GATAD1: variants seen among roughly 807,000 people sequenced by gnomAD.
The protein encoded by GATAD1 is GATA zinc finger domain containing 1, also known as GATA zinc finger domain-containing protein 1.
GATAD1 carries 12 observed loss-of-function variants against 26.5 expected under a neutral mutation model. That is an observed-to-expected ratio of 0.45 (90% CI 0.29 to 0.73). The LOEUF is 0.73. Among genes scored for constraint, GATAD1 ranks in the 30% least tolerant of loss-of-function variants. GATAD1 has a pLI of 0.10. For synonymous variants in GATAD1, 129 were observed against 133.1 expected (o/e 0.97, Z 0.21); for missense variants, 266 against 342.1 (o/e 0.78, Z 1.75).
chr7:92,451,266 T>G (rs987188253), intron 3 of GATAD1, among the ~76,000 whole-genome samples: 15 of 152,168 alleles, frequency 9.9e-5, no homozygotes, highest in Non-Finnish European at 2.1e-4. Context: ...TTCCAAGATG[T>G]TTTGATAAAA....
chr7:92,448,711 ACTT>A lies in GATAD1; in HGVS notation c.250-37_250-35del, dbSNP rs772478785. 18 of 1,556,220 alleles carry A rather than the reference ACTT, an allele frequency of 1.2e-5. No homozygotes were observed. In the African/African-American group the frequency reaches 1.6e-4, roughly 14 times the overall value. On this transcript the variant is annotated intron_variant, in intron 1 of 4. Coordinates refer to ENST00000287957, the MANE Select transcript of GATAD1 (RefSeq NM_021167.5). Reference sequence around the variant, plus strand: ...GTACTGCAACCTTTATGCACTTTTTACTTCTTTCTCTTTTTGTTCTTTAATTTG... The same window carrying A: ...GTACTGCAACCTTTATGCACTTTTTACTTTCTCTTTTTGTTCTTTAATTTG...
the GATAD1 span, among the ~76,000 whole-genome samples, chr7:92,483,415 G>A: frequency 6.6e-6 from 1 of 152,222 alleles, no homozygotes; most frequent in Non-Finnish European, 1.5e-5. Flanking sequence ...CTCTATTCTT[G>A]TACACCTTGA....
rs1366066828 is a variant in GATAD1, at chr7:92,456,852, T to C, written c.*290T>C. On this transcript the variant is annotated 3_prime_UTR_variant, in exon 5 of 5. Transcript: ENST00000287957. ...TGGTCACTTAGAAAATTAAAAGGGA[T>C]AGGGCCAGGCACAGTGGCTTATGCC... 1 of 282,772 alleles carries C rather than the reference T, an allele frequency of 3.5e-6. No homozygotes were observed. The highest frequency in any genetic ancestry group is 2.2e-5 in the African/African-American group (1 of 45,646). The allele number at this position is 282,772 out of a possible 1,614,324, so 17.5% of individuals were successfully genotyped here.
chr7:92,482,618 C>T, the GATAD1 span, among the ~76,000 whole-genome samples: 1 of 151,520 alleles, frequency 6.6e-6, no homozygotes, highest in African/African-American at 2.4e-5. Context: ...GTAGAGGTGT[C>T]CCATACTTGT....
At chr7:92,449,426 G>T (rs1789322249) in intron 2 of GATAD1, 2 of 982,224 alleles carry the variant, frequency 2.0e-6, no homozygotes, top group African/African-American at 3.5e-5. Context: ...TGAAAGACCT[G>T]TGCTGGAAGT....
At chr7:92,473,157 G>C in the GATAD1 span, 1 of 152,188 alleles carries the variant, frequency 6.6e-6, no homozygotes, top group South Asian at 2.1e-4. Context: ...GTCCAGGACT[G>C]TAAACCACTC....
the GATAD1 span, among the ~76,000 whole-genome samples, chr7:92,480,756 C>T: frequency 2.0e-5 from 3 of 152,168 alleles, no homozygotes; most frequent in African/African-American, 7.2e-5. Flanking sequence ...TCTTTAGCTA[C>T]CTTATCAGCA....
At chr7:92,491,011 C>A in the GATAD1 span, among the ~76,000 whole-genome samples, 2 of 152,204 alleles carry the variant, frequency 1.3e-5, no homozygotes, top group East Asian at 1.9e-4. Flanking sequence ...TTTAAAGCCA[C>A]TAGGTAAGAG....
At chr7:92,474,224 A>G in the GATAD1 span, among the ~76,000 whole-genome samples, 214 of 152,156 alleles carry the variant, frequency 1.4e-3, 2 homozygotes, top group African/African-American at 4.6e-3. Context: ...GCCAAGTTCA[A>G]TAGGGTTTCT....
At chr7:92,450,891 T>A (rs921611308) in intron 3 of GATAD1, 131 bp downstream of exon 3, 2 of 581,008 alleles carry the variant, frequency 3.4e-6, no homozygotes, top group Non-Finnish European at 6.2e-6. Flanking sequence ...TTTGTTCCCT[T>A]CTTAGCTGTT....
chr7:92,455,248 C>A (rs1029311454), intron 4 of GATAD1, among the ~76,000 whole-genome samples: 12 of 152,120 alleles, frequency 7.9e-5, no homozygotes, highest in Non-Finnish European at 1.6e-4. Flanking sequence ...TGAGTTAGAG[C>A]AATGTGCATC....
In GATAD1 at chr7:92,457,953, A is replaced by G. The variant is rs941969794; in HGVS notation, c.*1391A>G. The G allele has an allele frequency of 6.6e-6, 1 of 152,178 alleles. No homozygotes were observed. Among genetic ancestry groups the G allele is most frequent in the African/African-American group, 2.4e-5 (1 of 41,432 alleles). The allele number at this position is 152,178 out of a possible 1,614,324, so 9.4% of individuals were successfully genotyped here. A position where few individuals can be genotyped will look rare whatever the true frequency, so the allele number is the denominator to read the frequency against. The stretch of plus-strand genomic sequence containing the variant: ...GGAGTTCAGGACCAGCCTGGCCAAC[A>G]TGATGAAACCCTGTCTCTACTAAAT... On this transcript the variant is annotated 3_prime_UTR_variant, in exon 5 of 5. Transcript: ENST00000287957.
At position 92,459,234 on chromosome 7, in the gene GATAD1, A is replaced by G. The variant is rs1789824070; in HGVS notation, c.*2672A>G. 6.6e-6 allele frequency: 1 copy of G among 152,162 alleles called. No homozygotes were observed. The highest frequency in any genetic ancestry group is 2.4e-5 in the African/African-American group (1 of 41,422). 9.4% of individuals were successfully genotyped at this position (152,162 alleles called of 1,614,324 possible). The stretch of plus-strand genomic sequence containing the variant: ...GCATGACTCCATCTCCAAAAAAAAA[A>G]AAAAAAGATTTTGGAGTAGATTCAT... On this transcript the variant is annotated 3_prime_UTR_variant, in exon 5 of 5. Transcript: ENST00000287957.
chr7:92,464,473 C>G (rs1175734979), downstream of GATAD1, among the ~76,000 whole-genome samples: 3 of 152,174 alleles, frequency 2.0e-5, no homozygotes, highest in African/African-American at 4.8e-5. Flanking sequence ...TGTGGGCCAG[C>G]CTCAGTGCTC....
the GATAD1 span, among the ~76,000 whole-genome samples, chr7:92,480,047 G>T: frequency 1.4e-4 from 22 of 152,238 alleles, no homozygotes; most frequent in Admixed American, 1.4e-3. Context: ...GTTTGGTGGG[G>T]TGTGTTTTTA....
the GATAD1 span, chr7:92,474,594 C>T: frequency 6.6e-6 from 1 of 152,312 alleles, no homozygotes; most frequent in South Asian, 2.1e-4. Flanking sequence ...ATTCTCTTTC[C>T]TCTGTTGTCA....
chr7:92,491,876 T>G, the GATAD1 span, among the ~76,000 whole-genome samples: 1 of 152,110 alleles, frequency 6.6e-6, no homozygotes, highest in Admixed American at 6.5e-5. Flanking sequence ...AATACACACC[T>G]TTCTGGTAGT....
the GATAD1 span, chr7:92,489,902 A>G: frequency 6.2e-7 from 1 of 1,613,230 alleles, no homozygotes; most frequent in Non-Finnish European, 8.5e-7. Context: ...GCAGAGAGAC[A>G]TTGTGAGCTC....
In GATAD1 at chr7:92,447,550, A is replaced by C. The variant is rs1385665835; in HGVS notation, c.-180A>C. On this transcript the variant is annotated 5_prime_UTR_variant, in exon 1 of 5. Coordinates refer to ENST00000287957, the MANE Select transcript of GATAD1 (RefSeq NM_021167.5). ...GGCCTCCGCCTGCGGAGCCGGCGGAACCCGCTTCCCGCCTCCACGGGGCAG... is the reference window on the plus strand; with the variant it reads ...GGCCTCCGCCTGCGGAGCCGGCGGACCCCGCTTCCCGCCTCCACGGGGCAG... The C allele has an allele frequency of 1.4e-6, 1 of 733,920 alleles. No homozygotes were observed. The allele number at this position is 733,920 out of a possible 1,614,324, so 45.5% of individuals were successfully genotyped here.
Sources: gnomAD v4.1 joint callset for allele counts (sites outside exome capture counted in the v4.1 genomes callset) on GRCh38, gnomAD v4.1.1 for gene constraint, MANE v1.5 for transcripts, NCBI Gene and HGNC (gene_info 2026-07-23, HGNC 2026-07-21) for gene names.